ZHX3: variants seen among roughly 807,000 people sequenced by gnomAD.
ZHX3 encodes zinc fingers and homeoboxes protein 3.
In ZHX3, 20 loss-of-function variants were observed where a neutral mutation model predicts 64.5. The ratio of observed to expected loss-of-function variants is 0.31; its 90% CI spans 0.22 to 0.45. ZHX3 has a LOEUF of 0.45. Among genes scored for constraint, ZHX3 ranks in the 20% least tolerant of loss-of-function variants. The probability of loss-of-function intolerance (pLI) is 1.00; values close to 1 mark genes in which losing one functional copy is unlikely to be tolerated. For synonymous variants in ZHX3, 423 were observed against 461.6 expected, an observed-to-expected ratio of 0.92 and a Z score of 1.07; for missense variants, 1,041 against 1,195.8, an observed-to-expected ratio of 0.87 and a Z score of 1.91.
At chr20:41,265,541 C>T (rs996031549) in intron 2 of ZHX3, among the ~76,000 whole-genome samples, 2 of 152,126 alleles carry the variant, frequency 1.3e-5, no homozygotes, top group Admixed American at 1.3e-4. Context: ...ATGATCAGTA[C>T]AGAAAAACTT....
chr20:41,213,780 A>G (rs1265351609), intron 2 of ZHX3: 6 of 152,420 alleles, frequency 3.9e-5, no homozygotes, highest in Admixed American at 3.9e-4. Flanking sequence ...ATTTTTGGCA[A>G]TAGTCCCAAT....
chr20:41,215,711 G>C (rs1013347191), intron 2 of ZHX3, among the ~76,000 whole-genome samples: 2 of 148,380 alleles, frequency 1.3e-5, no homozygotes, highest in African/African-American at 5.0e-5. Context: ...AAGGAGGGTG[G>C]ATCACAAGGT....
At chr20:41,253,618 G>C (rs1278578828) in intron 2 of ZHX3, among the ~76,000 whole-genome samples, 1 of 152,090 alleles carries the variant, frequency 6.6e-6, no homozygotes, top group Non-Finnish European at 1.5e-5. Context: ...TCTGGGTAAT[G>C]ATAATATCCT....
At position 41,200,911 on chromosome 20, in the gene ZHX3, A is replaced by C. The variant is rs924478554; in HGVS notation, c.2860+1146T>G. Reference sequence around the variant, plus strand: ...ATGAATTTAAAATATTCAGAGAAAGAAAAAGAATTTTGTCCTTTTTAAGAC... The same window carrying C: ...ATGAATTTAAAATATTCAGAGAAAGCAAAAGAATTTTGTCCTTTTTAAGAC... On this transcript the variant is annotated intron_variant, in intron 3 of 3. Coordinates refer to ENST00000683867, the MANE Select transcript of ZHX3 (RefSeq NM_001384317.1). The surrounding 1 kb of genome is among the most constrained non-coding windows in gnomAD (Gnocchi z 4.2). Among the ~76,000 whole-genome samples the C allele has an allele frequency of 1.3e-5, 2 of 152,254 alleles. No individual in the cohort carries two copies. The highest frequency in any genetic ancestry group is 3.8e-4 in the East Asian group (2 of 5,202).
Position 41,252,904 on chromosome 20 carries a change from T to C in ZHX3, c.-151+16086A>G, listed in dbSNP as rs1279762016. 3.3e-5 allele frequency among the ~76,000 whole-genome samples: 5 copies of C among 152,326 alleles called. No homozygotes were observed. The East Asian group carries it at 7.7e-4, about 23-fold the overall frequency. On this transcript the variant is annotated intron_variant, in intron 2 of 3. Coordinates refer to ENST00000683867, the MANE Select transcript of ZHX3 (RefSeq NM_001384317.1). ...CTGTTATATGTAAGATGCCTCCTTG[T>C]TGATGTTGCTATAGTCCTAATTAAC...
chr20:41,314,604 A>G (rs1296586420), intron 1 of ZHX3, among the ~76,000 whole-genome samples: 2 of 152,244 alleles, frequency 1.3e-5, no homozygotes, highest in Admixed American at 6.5e-5. Context: ...GGGATAACGC[A>G]TAAGAAGGAA....
At chr20:41,230,186 T>C (rs1200509111) in intron 2 of ZHX3, among the ~76,000 whole-genome samples, 3 of 152,208 alleles carry the variant, frequency 2.0e-5, no homozygotes, top group South Asian at 4.1e-4. Flanking sequence ...GTTAAATATA[T>C]TCTTAGATTT....
intron 3 of ZHX3, among the ~76,000 whole-genome samples, chr20:41,189,247 G>A (rs535031305): frequency 6.6e-6 from 1 of 152,208 alleles, no homozygotes; most frequent in Non-Finnish European, 1.5e-5. Flanking sequence ...CTATAGCCTT[G>A]TGATATATTT....
At chr20:41,259,170 T>A (rs919523158) in intron 2 of ZHX3, among the ~76,000 whole-genome samples, 1 of 152,206 alleles carries the variant, frequency 6.6e-6, no homozygotes, top group Admixed American at 6.5e-5. Flanking sequence ...AGTTCCACCA[T>A]GGACTTTGGG....
chr20:41,269,116 A>T (rs1187384275), intron 1 of ZHX3, 33 bp from the exon 2 acceptor site: 1 of 152,238 alleles, frequency 6.6e-6, no homozygotes, highest in East Asian at 1.9e-4. Context: ...TCACTTTATG[A>T]GAAAACATTT....
In ZHX3 at chr20:41,180,883, G is replaced by GC. The variant is rs2036226298; in HGVS notation, c.*4307dup. ...GGCATGGCCCAACCATGTCCCTGCC[G>GC]CCCCACTTAAATGGCCAGAGAAAAC... On this transcript the variant is annotated 3_prime_UTR_variant, in exon 4 of 4. Transcript: ENST00000683867. The GC allele has an allele frequency of 6.6e-6, 1 of 152,236 alleles. No homozygotes were observed. Among genetic ancestry groups the GC allele is most frequent in the Non-Finnish European group, 1.5e-5 (1 of 68,070 alleles). 9.4% of individuals were successfully genotyped at this position (152,236 alleles called of 1,614,324 possible). A position where few individuals can be genotyped will look rare whatever the true frequency, so the allele number is the denominator to read the frequency against.
Position 41,200,444 on chromosome 20 carries a change from C to CTGCT in ZHX3, c.2860+1609_2860+1612dup. Among the ~76,000 whole-genome samples the CTGCT allele has an allele frequency of 6.6e-6, 1 of 152,326 alleles. No individual in the cohort carries two copies. The highest frequency in any genetic ancestry group is 2.1e-4 in the South Asian group (1 of 4,820). On this transcript the variant is annotated intron_variant, in intron 3 of 3. Transcript: ENST00000683867. The surrounding 1 kb of genome is among the most constrained non-coding windows in gnomAD (Gnocchi z 4.2). Reference sequence around the variant, plus strand: ...GACAAAGACTTGTAGGAGAGACTACCTGCTCTGCATTATAAAAAAGTTAAA... The same window carrying CTGCT: ...GACAAAGACTTGTAGGAGAGACTACCTGCTTGCTCTGCATTATAAAAAAGTTAAA...
At position 41,277,807 on chromosome 20, in the gene ZHX3, G is replaced by A. The variant is rs2043465457; in HGVS notation, c.-244-8724C>T. Among the ~76,000 whole-genome samples, 2 of 136,778 alleles carry A rather than the reference G, an allele frequency of 1.5e-5. 1 individual carries two copies. The highest frequency in any genetic ancestry group is 3.2e-5 in the Non-Finnish European group (2 of 62,962). The allele number at this position is 136,778 out of a possible 152,430, so 89.7% of individuals were successfully genotyped here. A position where few individuals can be genotyped will look rare whatever the true frequency, so the allele number is the denominator to read the frequency against. ...GGGGTTTCACCATGTTAGCCAGGAT[G>A]GTCTCGATCTCCTGACCTCGTGATC... On this transcript the variant is annotated intron_variant, in intron 1 of 3. Transcript: ENST00000683867.
chr20:41,257,257 TAA>T (rs2042306267), intron 2 of ZHX3, among the ~76,000 whole-genome samples: 1 of 152,216 alleles, frequency 6.6e-6, no homozygotes, highest in African/African-American at 2.4e-5. Context: ...TGATTCTCTA[TAA>T]AGCTGGTTTG....
intron 2 of ZHX3, among the ~76,000 whole-genome samples, chr20:41,248,302 G>A (rs957187479): frequency 6.6e-6 from 1 of 150,960 alleles, no homozygotes; most frequent in Admixed American, 6.6e-5. Flanking sequence ...GTCATACAAC[G>A]ATTTCTCCAG....
intron 2 of ZHX3, among the ~76,000 whole-genome samples, chr20:41,236,602 C>T (rs1289944649): frequency 6.6e-6 from 1 of 152,136 alleles, no homozygotes; most frequent in Non-Finnish European, 1.5e-5. Context: ...CTTCCTTACA[C>T]CTTATACAAA....
chr20:41,254,945 G>A (rs1259075235), intron 2 of ZHX3, among the ~76,000 whole-genome samples: 6 of 152,022 alleles, frequency 3.9e-5, no homozygotes, highest in Admixed American at 6.6e-5. Flanking sequence ...GGCGATACCC[G>A]AGGGAGACTG....
At chr20:41,206,261 G>T (rs1392314921) in intron 2 of ZHX3, among the ~76,000 whole-genome samples, 1 of 152,212 alleles carries the variant, frequency 6.6e-6, no homozygotes, top group South Asian at 2.1e-4. Context: ...AAGGAACGCA[G>T]CTCCTCACCT....
intron 1 of ZHX3, among the ~76,000 whole-genome samples, chr20:41,299,552 GAA>G (rs934444761): frequency 2.6e-5 from 4 of 152,126 alleles, no homozygotes; most frequent in African/African-American, 9.7e-5. Flanking sequence ...TTCAAGAGTA[GAA>G]AAAGACATAT....
Sources: allele counts gnomAD v4.1 joint callset (sites outside exome capture counted in the v4.1 genomes callset), GRCh38; gene constraint gnomAD v4.1.1; non-coding constraint Gnocchi (gnomAD v3.1); transcripts MANE v1.5; gene names NCBI Gene and HGNC (gene_info 2026-07-23, HGNC 2026-07-21).